CACNA1D: variants seen among roughly 807,000 people sequenced by gnomAD.
The protein encoded by CACNA1D is calcium voltage-gated channel subunit alpha1 D, also known as voltage-dependent L-type calcium channel subunit alpha-1D.
A neutral mutation model predicts 257.1 loss-of-function variants in CACNA1D; 55 were observed. The ratio of observed to expected loss-of-function variants is 0.21; its 90% CI spans 0.17 to 0.27. The LOEUF (loss-of-function observed/expected upper bound fraction) is 0.27. CACNA1D is among the 10% of genes least tolerant of loss of function. The probability of loss-of-function intolerance (pLI) is 1.00; values close to 1 mark genes in which losing one functional copy is unlikely to be tolerated. For synonymous variants in CACNA1D, 980 were observed against 1,014.9 expected (o/e 0.97, Z 0.65); for missense variants, 1,876 against 2,784.0 (o/e 0.67, Z 7.34).
Position 53,811,149 on chromosome 3 carries a change from G to C in CACNA1D, c.6229G>C (p.Asp2077His). The change falls in exon 48 of 48, where the codon GAC becomes CAC. Residue 2077 changes from aspartate (D) to histidine (H), a missense_variant. Asp to His is a moderately conservative substitution (Grantham distance 81). Around this residue, in one of 10 missense-constraint regions of CACNA1D, gnomAD observed 491 missense variants for 554.3 expected, o/e 0.89. Transcript: ENST00000350061. The surrounding 1 kb of genome is among the most constrained non-coding windows in gnomAD (Gnocchi z 4.2). Reference sequence around the variant, plus strand: ...CGAAGGCTTGGGACGCTATGCAAGGGACCCAAAATTTGTGTCAGCAACAAA... The same window carrying C: ...CGAAGGCTTGGGACGCTATGCAAGGCACCCAAAATTTGTGTCAGCAACAAA... ...ISEGLGRYAR[D>H]PKFVSATKHE... 1 of 1,614,052 alleles carries C rather than the reference G, an allele frequency of 6.2e-7. No homozygotes were observed. Among genetic ancestry groups the C allele is most frequent in the African/African-American group, 1.3e-5 (1 of 75,006 alleles).
At chr3:53,582,697 G>A (rs901790215) in intron 3 of CACNA1D, among the ~76,000 whole-genome samples, 4 of 152,090 alleles carry the variant, frequency 2.6e-5, no homozygotes, top group Admixed American at 1.3e-4. Flanking sequence ...CATGACCTGG[G>A]AAAACATCAC....
chr3:53,683,836 C>G (rs1424489884), intron 8 of CACNA1D, among the ~76,000 whole-genome samples: 1 of 152,008 alleles, frequency 6.6e-6, no homozygotes, highest in African/African-American at 2.4e-5. Flanking sequence ...ATTGGAGTCA[C>G]AGGAGAATAA....
At chr3:53,666,582 A>G (rs2094266517) in intron 7 of CACNA1D, 47 bp downstream of exon 7, 1 of 1,539,224 alleles carries the variant, frequency 6.5e-7, no homozygotes, top group Non-Finnish European at 9.0e-7. Context: ...TTGCTTGGAT[A>G]AGTGGGTTTT....
At chr3:53,655,209 A>G (rs1480300895) in intron 4 of CACNA1D, among the ~76,000 whole-genome samples, 1 of 152,106 alleles carries the variant, frequency 6.6e-6, no homozygotes, top group East Asian at 1.9e-4. Flanking sequence ...TTCTTTATCC[A>G]ATCTGTATTG....
chr3:53,554,321 C>T (rs2092598581), intron 3 of CACNA1D, among the ~76,000 whole-genome samples: 1 of 152,110 alleles, frequency 6.6e-6, no homozygotes, highest in African/African-American at 2.4e-5. Context: ...TATTGTACCA[C>T]AGAAAAAAGA....
intron 29 of CACNA1D, 106 bp from the exon 30 acceptor site, chr3:53,761,892 C>T (rs1346182425): frequency 1.2e-6 from 1 of 809,236 alleles, no homozygotes; most frequent in Non-Finnish European, 2.2e-6. Flanking sequence ...CCCACCCTAC[C>T]TGGGTGCCAT....
chr3:53,804,904 A>G (rs2095554288), intron 44 of CACNA1D, 79 bp from the exon 45 acceptor site: 2 of 1,289,214 alleles, frequency 1.6e-6, no homozygotes, highest in Admixed American at 3.4e-5. Context: ...CGGGGAGAGG[A>G]GTATGGATGT....
intron 30 of CACNA1D, among the ~76,000 whole-genome samples, chr3:53,766,388 G>C (rs1395627577): frequency 6.6e-6 from 1 of 152,194 alleles, no homozygotes; most frequent in Non-Finnish European, 1.5e-5. Context: ...TGTGAGCTCA[G>C]AAATAGTCAG....
chr3:53,564,728 A>G (rs562535780), intron 3 of CACNA1D, among the ~76,000 whole-genome samples: 1 of 152,310 alleles, frequency 6.6e-6, no homozygotes, highest in East Asian at 1.9e-4. Flanking sequence ...TTATAACATT[A>G]GAGGCAAGTA....
chr3:53,694,566 G>A (rs575436532), intron 8 of CACNA1D, among the ~76,000 whole-genome samples: 169 of 152,296 alleles, frequency 1.1e-3, no homozygotes, highest in Middle Eastern at 3.4e-3. Context: ...ACAATGCCTC[G>A]TTGAGCCTCC....
In CACNA1D at chr3:53,652,440, T is replaced by G. The variant is rs79730378; in HGVS notation, c.623+1522T>G. On this transcript the variant is annotated intron_variant, in intron 4 of 47. Coordinates refer to ENST00000350061, the MANE Select transcript of CACNA1D (RefSeq NM_001128840.3). ...AGAGAAAGAGCTTCATAAATATGCC[T>G]TAGAGTACTCTTCAGTTTTGGCTGA... 2.4e-3 allele frequency among the ~76,000 whole-genome samples: 358 copies of G among 152,254 alleles called. 1 individual carries two copies. The highest frequency in any genetic ancestry group is 8.1e-3 in the African/African-American group (335 of 41,520).
At position 53,801,318 on chromosome 3, in the gene CACNA1D, C is replaced by A; in HGVS notation, c.5301C>A (p.Ala1767=). 6.2e-7 allele frequency: 1 copy of A among 1,614,154 alleles called. No individual in the cohort carries two copies. Among genetic ancestry groups the A allele is most frequent in the Non-Finnish European group, 8.5e-7 (1 of 1,180,026 alleles). The change falls in exon 42 of 48, where the codon GCC becomes GCA. Residue 1767 remains alanine, a synonymous_variant. Transcript: ENST00000350061. ...NLNNANMSKA[A]HGKRPSIGNL... is the part of the protein sequence containing the mutation. ...ATAATGCCAATATGTCCAAAGCTGCCCATGGAAAGCGGCCCAGCATTGGGA... is the reference window on the plus strand; with the variant it reads ...ATAATGCCAATATGTCCAAAGCTGCACATGGAAAGCGGCCCAGCATTGGGA...
chr3:53,718,641 A>G (rs1314018643), intron 10 of CACNA1D: 1 of 1,396,922 alleles, frequency 7.2e-7, no homozygotes, highest in Admixed American at 2.1e-5. Flanking sequence ...GAGCCCGTGA[A>G]GAATGTGGTG....
chr3:53,630,392 A>G (rs980487882), intron 3 of CACNA1D, among the ~76,000 whole-genome samples: 2 of 152,340 alleles, frequency 1.3e-5, no homozygotes, highest in East Asian at 3.9e-4. Flanking sequence ...AACATGTAAC[A>G]TTGCTTATCC....
At position 53,742,867 on chromosome 3, in the gene CACNA1D, G is replaced by T. The variant is rs1338928036; in HGVS notation, c.2812-144G>T. ...TTTTGTTTGAAGAAATTATCCTGTG[G>T]CTCAACCCCGTTGGTTTACATTTCT... On this transcript the variant is annotated intron_variant, in intron 21 of 47. Coordinates refer to ENST00000350061, the MANE Select transcript of CACNA1D (RefSeq NM_001128840.3). 40 of 691,264 alleles carry T rather than the reference G, an allele frequency of 5.8e-5. 1 individual carries two copies. The East Asian group carries it at 1.0e-3, about 17-fold the overall frequency. 42.8% of individuals were successfully genotyped at this position (691,264 alleles called of 1,614,324 possible).
chr3:53,700,914 G>T (rs1164830115), intron 8 of CACNA1D, among the ~76,000 whole-genome samples: 1 of 143,098 alleles, frequency 7.0e-6, no homozygotes, highest in Non-Finnish European at 1.5e-5. Context: ...ATGGAGTCTT[G>T]CTCCGTTGCC....
intron 3 of CACNA1D, among the ~76,000 whole-genome samples, chr3:53,521,213 A>T (rs974968292): frequency 2.6e-5 from 4 of 151,700 alleles, no homozygotes; most frequent in Non-Finnish European, 5.9e-5. Context: ...GCTAATTTTT[A>T]AAAATTTTTG....
intron 3 of CACNA1D, among the ~76,000 whole-genome samples, chr3:53,520,315 CT>C (rs1236422220): frequency 6.6e-6 from 1 of 152,170 alleles, no homozygotes; most frequent in Non-Finnish European, 1.5e-5. Context: ...TATTGTCTAT[CT>C]TTTTAATTAT....
At chr3:53,553,044 C>T (rs988459946) in intron 3 of CACNA1D, among the ~76,000 whole-genome samples, 1 of 152,176 alleles carries the variant, frequency 6.6e-6, no homozygotes, top group African/African-American at 2.4e-5. Flanking sequence ...TCATAGATAA[C>T]AAATCCAGCT....
Sources: allele counts gnomAD v4.1 joint callset (sites outside exome capture counted in the v4.1 genomes callset), GRCh38; gene constraint gnomAD v4.1.1; regional missense constraint gnomAD v4.1.1; non-coding constraint Gnocchi (gnomAD v3.1); transcripts MANE v1.5; gene names NCBI Gene and HGNC (gene_info 2026-07-23, HGNC 2026-07-21).